IMPDH1: variants seen among roughly 807,000 people sequenced by gnomAD.
IMPDH1 encodes inosine monophosphate dehydrogenase 1, also known as inosine-5'-monophosphate dehydrogenase 1.
A neutral mutation model predicts 73.5 loss-of-function variants in IMPDH1; 41 were observed. The ratio of observed to expected loss-of-function variants is 0.56; its 90% CI spans 0.43 to 0.72. IMPDH1 has a LOEUF of 0.72. IMPDH1 is among the 30% of genes least tolerant of loss of function. The pLI is 0.00. For missense variants in IMPDH1, 645 were observed against 824.8 expected (o/e 0.78, Z 2.67); for synonymous variants, 318 against 334.3 (o/e 0.95, Z 0.53).
intron 3 of IMPDH1, among the ~76,000 whole-genome samples, chr7:128,406,508 C>G (rs926229679): frequency 6.6e-6 from 1 of 151,860 alleles, no homozygotes; most frequent in Non-Finnish European, 1.5e-5. Flanking sequence ...ATCGCTATGC[C>G]CCATCCCGAC....
At chr7:128,406,208 G>C (rs1430260463) in intron 3 of IMPDH1, among the ~76,000 whole-genome samples, 2 of 149,916 alleles carry the variant, frequency 1.3e-5, no homozygotes, top group African/African-American at 4.9e-5. Flanking sequence ...CTGCGGGGGA[G>C]AGTACCGGGT....
Position 128,409,884 on chromosome 7 carries a change from A to C in IMPDH1, c.18T>G (p.Thr6=). 6.9e-7 allele frequency: 1 copy of C among 1,459,516 alleles called. No homozygotes were observed. The highest frequency in any genetic ancestry group is 1.5e-5 in the African/African-American group (1 of 67,896). The allele number at this position is 1,459,516 out of a possible 1,614,324, so 90.4% of individuals were successfully genotyped here. MEGPL[T]PPPLQGGGAA... is the part of the protein sequence containing the mutation. ...CTCCGCCTCCCTGCAGCGGTGGTGG[A>C]GTGAGTGGCCCCTCCATGCGGAGGC... The change falls in exon 1 of 17, where the codon ACT becomes ACG. Residue 6 remains threonine (T), a synonymous_variant. Coordinates refer to ENST00000338791, the MANE Select transcript of IMPDH1 (RefSeq NM_000883.4).
In IMPDH1 at chr7:128,405,494, G is replaced by A. The variant is rs1022468800; in HGVS notation, c.353+273C>T. 3.3e-5 allele frequency among the ~76,000 whole-genome samples: 5 copies of A among 152,192 alleles called. No homozygotes were observed. In the East Asian group the frequency reaches 5.8e-4, roughly 18 times the overall value. Reference sequence around the variant, plus strand: ...CCACATCTCCAGTTCCCACACGCCCGAGGGCCCCTCCATGCCGCTGAGAGG... The same window carrying A: ...CCACATCTCCAGTTCCCACACGCCCAAGGGCCCCTCCATGCCGCTGAGAGG... On this transcript the variant is annotated intron_variant, in intron 4 of 16. Coordinates refer to ENST00000338791, the MANE Select transcript of IMPDH1 (RefSeq NM_000883.4).
intron 1 of IMPDH1, 126 bp downstream of exon 1, chr7:128,409,630 C>A (rs1453730512): frequency 1.3e-6 from 2 of 1,506,360 alleles, no homozygotes; most frequent in African/African-American, 1.4e-5. Context: ...GAGGCTGAGG[C>A]GGTAATAGGG....
At chr7:128,409,604 G>T (rs1211512917) in intron 1 of IMPDH1, 120 bp from the exon 2 acceptor site, 11 of 1,522,904 alleles carry the variant, frequency 7.2e-6, no homozygotes, top group Middle Eastern at 2.1e-4. Flanking sequence ...CGGGAGCGTG[G>T]CGTTTCGGGA....
rs1040650443 is a variant in IMPDH1, at chr7:128,396,377, C to A, written c.1261+223G>T. 6.6e-6 allele frequency among the ~76,000 whole-genome samples: 1 copy of A among 152,224 alleles called. No homozygotes were observed. The highest frequency in any genetic ancestry group is 2.4e-5 in the African/African-American group (1 of 41,456). ...CCCAGGCCCCAAGCCCCAGGCAGAG[C>A]CCCCTTGACCGCACTCTGAGAAGCA... On this transcript the variant is annotated intron_variant, in intron 12 of 16. Transcript: ENST00000338791. The surrounding 1 kb of genome is among the most constrained non-coding windows in gnomAD (Gnocchi z 4.0).
rs776562088 is a variant in IMPDH1, at chr7:128,394,289, A to T, written c.1767T>A (p.His589Gln). ...TMSAQIEGGV[H>Q]GLHSYEKRLY is the part of the protein sequence containing the mutation. ...GCCACCACACTTACGAGTGCAGGCC[A>T]TGGACACCACCCTCAATCTGGGCCG... The change falls in exon 16 of 17, where the codon CAT becomes CAA. Residue 589 changes from histidine (H) to glutamine (Q), a missense_variant. This residue lies in a region of IMPDH1 where 459 missense variants were observed against 638.2 expected (regional missense o/e 0.72). Coordinates refer to ENST00000338791, the MANE Select transcript of IMPDH1 (RefSeq NM_000883.4). The surrounding 1 kb of genome is among the most constrained non-coding windows in gnomAD (Gnocchi z 5.5). The T allele has an allele frequency of 6.2e-7, 1 of 1,614,008 alleles. No individual in the cohort carries two copies. Among genetic ancestry groups the T allele is most frequent in the South Asian group, 1.1e-5 (1 of 91,082 alleles).
At position 128,409,768 on chromosome 7, in the gene IMPDH1, T is replaced by C. The variant is rs991082523; in HGVS notation, c.134A>G (p.Tyr45Cys). The C allele has an allele frequency of 5.3e-6, 8 of 1,522,064 alleles. No individual in the cohort carries two copies. Among genetic ancestry groups the C allele is most frequent in the Non-Finnish European group, 7.0e-6 (8 of 1,141,250 alleles). The allele number at this position is 1,522,064 out of a possible 1,614,324, so 94.3% of individuals were successfully genotyped here. A position where few individuals can be genotyped will look rare whatever the true frequency, so the allele number is the denominator to read the frequency against. ...RYSARLLQAG[Y>C]EPESPRLDLA... ...CCCTGGGCGTCACCTCTCGGGCTCG[T>C]AGCCGGCCTGCAGCAGTCGGGCGCT... Residue 45 changes from tyrosine to cysteine, a missense_variant, in exon 1 of 17, where the codon TAC becomes TGC. Around this residue, in one of 2 missense-constraint regions of IMPDH1, gnomAD observed 186 missense variants for 186.6 expected, o/e 1.00. Transcript: ENST00000338791.
intron 3 of IMPDH1, among the ~76,000 whole-genome samples, chr7:128,408,123 C>T (rs1398429739): frequency 2.0e-5 from 3 of 152,104 alleles, no homozygotes; most frequent in Admixed American, 6.5e-5. Flanking sequence ...CCTCCGAAGC[C>T]GAGGAAGGGC....
In IMPDH1 at chr7:128,392,692, C is replaced by T; in HGVS notation, c.*315G>A. 3 of 401,280 alleles carry T rather than the reference C, an allele frequency of 7.5e-6. No individual in the cohort carries two copies. Among genetic ancestry groups the T allele is most frequent in the Non-Finnish European group, 1.4e-5 (3 of 217,118 alleles). The allele number at this position is 401,280 out of a possible 1,614,324, so 24.9% of individuals were successfully genotyped here. On this transcript the variant is annotated 3_prime_UTR_variant, in exon 17 of 17. Coordinates refer to ENST00000338791, the MANE Select transcript of IMPDH1 (RefSeq NM_000883.4). ...AGGAGAAGCCAGGAGGGGCCGCCTG[C>T]CCCTGGGGTGGGGGCCAGGCTGGAG...
intron 16 of IMPDH1, chr7:128,393,768 A>G: frequency 4.2e-6 from 1 of 235,448 alleles, no homozygotes; most frequent in Admixed American, 5.2e-5. Context: ...AAAGAGACAC[A>G]GGTTAGACGC....
chr7:128,399,219 AC>A (rs1476165661), intron 9 of IMPDH1, among the ~76,000 whole-genome samples: 1 of 151,324 alleles, frequency 6.6e-6, no homozygotes, highest in Admixed American at 6.6e-5. Flanking sequence ...CAAAAAAATT[AC>A]CTGGGTGTGT....
At chr7:128,407,082 G>A (rs1798825185) in intron 3 of IMPDH1, among the ~76,000 whole-genome samples, 1 of 152,180 alleles carries the variant, frequency 6.6e-6, no homozygotes, top group Non-Finnish European at 1.5e-5. Flanking sequence ...GACCAAGAGT[G>A]GGTCCCCCCA....
At chr7:128,397,741 T>G (rs186928537) in intron 10 of IMPDH1, among the ~76,000 whole-genome samples, 1 of 152,160 alleles carries the variant, frequency 6.6e-6, no homozygotes, top group Non-Finnish European at 1.5e-5. Context: ...TTTGTCAATT[T>G]TTTTTTTAAG....
At chr7:128,406,404 C>A (rs1364506968) in intron 3 of IMPDH1, among the ~76,000 whole-genome samples, 2 of 150,274 alleles carry the variant, frequency 1.3e-5, no homozygotes, top group Non-Finnish European at 3.0e-5. Context: ...TTCCCCAATC[C>A]CCAATACTCT....
chr7:128,409,215 A>C, intron 3 of IMPDH1, 74 bp downstream of exon 3: 1 of 1,353,248 alleles, frequency 7.4e-7, no homozygotes. Flanking sequence ...GCGTCTTCGG[A>C]GAGACCTTGA....
Position 128,394,239 on chromosome 7 carries a change from A to G in IMPDH1, c.1778+39T>C. On this transcript the variant is annotated intron_variant, in intron 16 of 16. Transcript: ENST00000338791. The surrounding 1 kb of genome is among the most constrained non-coding windows in gnomAD (Gnocchi z 5.5). ...AACCCTGGCCCCACCTGCCCAACCC[A>G]CTGCCTCCAAGTGACAGCAAGGAGG... 3 of 1,562,064 alleles carry G rather than the reference A, an allele frequency of 1.9e-6. No individual in the cohort carries two copies. Among genetic ancestry groups the G allele is most frequent in the Middle Eastern group, 1.8e-4 (1 of 5,542 alleles).
Position 128,395,448 on chromosome 7 carries a change from T to C in IMPDH1, c.1262-174A>G, listed in dbSNP as rs1797851300. Among the ~76,000 whole-genome samples the C allele has an allele frequency of 2.0e-5, 3 of 152,002 alleles. No homozygotes were observed. In the South Asian group the frequency reaches 6.2e-4, roughly 32 times the overall value. Reference sequence around the variant, plus strand: ...TGCTGGCAAATACCACCAGGATGAGTGTCACTCTAGGGATCTGGGCCACCC... The same window carrying C: ...TGCTGGCAAATACCACCAGGATGAGCGTCACTCTAGGGATCTGGGCCACCC... On this transcript the variant is annotated intron_variant, in intron 12 of 16. Transcript: ENST00000338791.
intron 9 of IMPDH1, 40 bp downstream of exon 9, chr7:128,400,055 G>A: frequency 6.9e-7 from 1 of 1,453,326 alleles, no homozygotes; most frequent in East Asian, 2.3e-5. Context: ...TGGACAGGGA[G>A]TCAGGCTGGG....
Sources: gnomAD v4.1 joint callset for allele counts (sites outside exome capture counted in the v4.1 genomes callset) on GRCh38, gnomAD v4.1.1 for gene constraint, gnomAD v4.1.1 regional missense constraint, Gnocchi (gnomAD v3.1) non-coding constraint, MANE v1.5 for transcripts, NCBI Gene and HGNC (gene_info 2026-07-23, HGNC 2026-07-21) for gene names.